CATSPER4: variants seen among roughly 807,000 people sequenced by gnomAD.
CATSPER4 encodes cation channel sperm associated 4.
CATSPER4 carries 46 observed loss-of-function variants against 54.4 expected under a neutral mutation model. That is an observed-to-expected ratio of 0.84 (90% CI 0.67 to 1.08). The LOEUF is 1.08. Ranked by LOEUF, CATSPER4 falls within the 50% of genes least tolerant of loss-of-function variation. The pLI, the probability that CATSPER4 is intolerant of heterozygous loss-of-function variation, is 0.00. For missense variants in CATSPER4, 574 were observed against 612.8 expected, an observed-to-expected ratio of 0.94 and a Z score of 0.67; for synonymous variants, 230 against 231.9, an observed-to-expected ratio of 0.99 and a Z score of 0.08.
At chr1:26,201,651 C>A in intron 9 of CATSPER4, 132 bp downstream of exon 9, 1 of 788,632 alleles carries the variant, frequency 1.3e-6, no homozygotes, top group Non-Finnish European at 2.1e-6. Flanking sequence ...CACCACCACC[C>A]CTCCTTTTTT....
At chr1:26,198,717 G>A (rs2088972472) in intron 6 of CATSPER4, among the ~76,000 whole-genome samples, 1 of 152,166 alleles carries the variant, frequency 6.6e-6, no homozygotes, top group South Asian at 2.1e-4. Flanking sequence ...CTGCAGTTAT[G>A]CCTCAGGTTA....
chr1:26,201,120 C>G (rs929400422), intron 8 of CATSPER4, 79 bp downstream of exon 8: 1 of 1,242,676 alleles, frequency 8.0e-7, no homozygotes, highest in Non-Finnish European at 1.2e-6. Context: ...TGGCCTCACG[C>G]CCTCACCATT....
At position 26,201,198 on chromosome 1, in the gene CATSPER4, C is replaced by T. The variant is rs889193226; in HGVS notation, c.1200-156C>T. The stretch of plus-strand genomic sequence containing the variant: ...TGGTGGAGGAACTGGAATCCAGACT[C>T]CAGGTTCCTTCCATCTCACACAAGG... On this transcript the variant is annotated intron_variant, in intron 8 of 9. Coordinates refer to ENST00000456354, the MANE Select transcript of CATSPER4 (RefSeq NM_198137.2). The T allele has an allele frequency of 2.6e-5, 25 of 959,810 alleles. 1 individual carries two copies. The highest frequency in any genetic ancestry group is 1.9e-4 in the Admixed American group (9 of 48,174). The allele number at this position is 959,810 out of a possible 1,614,324, so 59.5% of individuals were successfully genotyped here.
chr1:26,196,455 A>C (rs2088940675), intron 3 of CATSPER4, among the ~76,000 whole-genome samples: 2 of 119,906 alleles, frequency 1.7e-5, no homozygotes, highest in Middle Eastern at 7.7e-3. Context: ...CCTGTTGCTC[A>C]GGCTGGAGTG....
rs114809277 is a variant in CATSPER4, at chr1:26,201,167, C to G, written c.1199+126C>G. The stretch of plus-strand genomic sequence containing the variant: ...GCCTGGGCCCCACAGAGGTCCCCCA[C>G]CCTATTGGTGGAGGAACTGGAATCC... On this transcript the variant is annotated intron_variant, in intron 8 of 9. Transcript: ENST00000456354. 3,717 of 979,380 alleles carry G rather than the reference C, an allele frequency of 3.8e-3. 16 individuals carry two copies. The highest frequency in any genetic ancestry group is 5.2e-3 in the Non-Finnish European group (3,226 of 622,610). 60.7% of individuals were successfully genotyped at this position (979,380 alleles called of 1,614,324 possible).
intron 6 of CATSPER4, 39 bp downstream of exon 6, chr1:26,198,458 G>T (rs1178245196): frequency 3.7e-6 from 6 of 1,613,114 alleles, no homozygotes; most frequent in Non-Finnish European, 4.2e-6. Context: ...TCCCACCTAT[G>T]GGGCAGGGTA....
intron 3 of CATSPER4, among the ~76,000 whole-genome samples, chr1:26,195,075 TTC>T (rs2088922106): frequency 6.6e-6 from 1 of 151,936 alleles, no homozygotes. Context: ...CAGAGAGAGA[TTC>T]TGTTTCAAAA....
At chr1:26,201,160 T>A (rs920740666) in intron 8 of CATSPER4, 119 bp downstream of exon 8, 2 of 991,582 alleles carry the variant, frequency 2.0e-6, no homozygotes, top group Admixed American at 3.9e-5. Flanking sequence ...CCCACAGAGG[T>A]CCCCCACCCT....
At position 26,198,258 on chromosome 1, in the gene CATSPER4, C is replaced by T. The variant is rs77194452; in HGVS notation, c.679-28C>T. On this transcript the variant is annotated intron_variant, in intron 5 of 9. Coordinates refer to ENST00000456354, the MANE Select transcript of CATSPER4 (RefSeq NM_198137.2). ...CTATTTCCAGGCCCTTTGGTGAAGT[C>T]GGGGTGGGGCTCTTTTCTCTCTGAC... 2,721 of 1,614,068 alleles carry T rather than the reference C, an allele frequency of 1.7e-3. 27 individuals are homozygous for T. In the African/African-American group the frequency reaches 0.022, roughly 13 times the overall value.
In CATSPER4 at chr1:26,197,699, T is replaced by G; in HGVS notation, c.473T>G (p.Ile158Ser). The G allele has an allele frequency of 8.1e-6, 13 of 1,613,082 alleles. No individual in the cohort carries two copies. Among genetic ancestry groups the G allele is most frequent in the Non-Finnish European group, 1.1e-5 (13 of 1,179,872 alleles). Residue 158 changes from isoleucine to serine, a missense_variant, in exon 4 of 10, where the codon ATC becomes AGC. Coordinates refer to ENST00000456354, the MANE Select transcript of CATSPER4 (RefSeq NM_198137.2). ...CCCACTCCCCAGGACGGCTGGAACA[T>G]CCTCAACTTCATTATCGTCTTTATC... ...FWIFWKDGWN[I>S]LNFIIVFILL...
At position 26,197,991 on chromosome 1, in the gene CATSPER4, G is replaced by C; in HGVS notation, c.592G>C (p.Glu198Gln). ...LRLVHVCMAV[E>Q]PLARIIRVIL... The stretch of plus-strand genomic sequence containing the variant: ...TCTGGTGCATGTGTGCATGGCGGTG[G>C]AGCCCCTCGCCCGGATCATCCGCGT... The change falls in exon 5 of 10, where the codon GAG (glutamate) becomes CAG (glutamine). Residue 198 changes from glutamate (E) to glutamine (Q), a missense_variant. Physicochemically the swap from Glu to Gln is conservative, Grantham distance 29. Transcript: ENST00000456354. The C allele has an allele frequency of 6.2e-7, 1 of 1,613,834 alleles. No individual in the cohort carries two copies. The highest frequency in any genetic ancestry group is 1.3e-5 in the African/African-American group (1 of 75,034).
chr1:26,195,080 T>C (rs2088922153), intron 3 of CATSPER4, among the ~76,000 whole-genome samples: 1 of 152,124 alleles, frequency 6.6e-6, no homozygotes, highest in South Asian at 2.1e-4. Flanking sequence ...AGAGATTCTG[T>C]TTCAAAAAAA....
chr1:26,201,689 C>CTTT, intron 9 of CATSPER4, 170 bp downstream of exon 9: 11 of 508,510 alleles, frequency 2.2e-5, no homozygotes, highest in South Asian at 1.4e-4. Context: ...TTCTTTCTTT[C>CTTT]CTTTTTTTTT....
rs2089006492 is a variant in CATSPER4, at chr1:26,201,418, C to A, written c.1264C>A (p.Arg422Ser). 9 of 1,614,060 alleles carry A rather than the reference C, an allele frequency of 5.6e-6. No individual in the cohort carries two copies. Among genetic ancestry groups the A allele is most frequent in the Non-Finnish European group, 6.8e-6 (8 of 1,179,950 alleles). The change falls in exon 9 of 10, where the codon CGC (arginine) becomes AGC (serine). Residue 422 changes from arginine to serine, a missense_variant. Transcript: ENST00000456354. ...QEQESEVLNR[R>S]SSTSGSLETT... is the part of the protein sequence containing the mutation. Reference sequence around the variant, plus strand: ...GCAGGAGTCAGAGGTGTTGAACAGGCGCTCGTCGACGAGCGGGTCGTTGGA... The same window carrying A: ...GCAGGAGTCAGAGGTGTTGAACAGGAGCTCGTCGACGAGCGGGTCGTTGGA...
At position 26,197,790 on chromosome 1, in the gene CATSPER4, G is replaced by A. The variant is rs774575516; in HGVS notation, c.557+7G>A. The A allele has an allele frequency of 4.1e-5, 66 of 1,611,080 alleles. No homozygotes were observed. The highest frequency in any genetic ancestry group is 5.4e-5 in the Non-Finnish European group (63 of 1,177,422). On this transcript the variant is annotated splice_region_variant and intron_variant, in intron 4 of 9. Coordinates refer to ENST00000456354, the MANE Select transcript of CATSPER4 (RefSeq NM_198137.2). Reference sequence around the variant, plus strand: ...CCATCAACTACACTCTCAGGTGAGCGGGGAGCTCTGGAGAAATGAGGGGGA... The same window carrying A: ...CCATCAACTACACTCTCAGGTGAGCAGGGAGCTCTGGAGAAATGAGGGGGA...
intron 7 of CATSPER4, 41 bp downstream of exon 7, chr1:26,200,099 T>A: frequency 1.9e-6 from 3 of 1,594,102 alleles, no homozygotes; most frequent in Non-Finnish European, 2.6e-6. Flanking sequence ...AAAAGGAGTG[T>A]GTATGAGAGC....
In CATSPER4 at chr1:26,193,834, CCTT is replaced by C; in HGVS notation, c.409_411del (p.Leu137del). 6.2e-7 allele frequency: 1 copy of C among 1,614,154 alleles called. No individual in the cohort carries two copies. The highest frequency in any genetic ancestry group is 1.1e-5 in the South Asian group (1 of 91,084). ...CCATAGATGACATTGTGCTGACCAT[CCTT>C]CTTTGTGAGGTTCTCCTTGGCTGGC... On this transcript the variant is annotated inframe_deletion, in exon 3 of 10. Coordinates refer to ENST00000456354, the MANE Select transcript of CATSPER4 (RefSeq NM_198137.2).
At position 26,202,787 on chromosome 1, in the gene CATSPER4, G is replaced by GT; in HGVS notation, c.*245_*246insT. Reference sequence around the variant, plus strand: ...GTGGGAACCCTAGCAGCAAGGATGAGCACAGAAGGGGGTGCTGGCCAACGC... The same window carrying GT: ...GTGGGAACCCTAGCAGCAAGGATGAGTCACAGAAGGGGGTGCTGGCCAACGC... On this transcript the variant is annotated 3_prime_UTR_variant, in exon 10 of 10. Coordinates refer to ENST00000456354, the MANE Select transcript of CATSPER4 (RefSeq NM_198137.2). 1.7e-6 allele frequency: 1 copy of GT among 574,374 alleles called. No homozygotes were observed. Among genetic ancestry groups the GT allele is most frequent in the Non-Finnish European group, 3.1e-6 (1 of 320,550 alleles). 35.6% of individuals were successfully genotyped at this position (574,374 alleles called of 1,614,324 possible).
intron 9 of CATSPER4, 34 bp downstream of exon 9, chr1:26,201,553 G>A (rs376179862): frequency 4.5e-5 from 72 of 1,610,534 alleles, no homozygotes; most frequent in Non-Finnish European, 5.8e-5. Flanking sequence ...ATGGGTACTC[G>A]CCCTGACACT....
Sources: allele counts gnomAD v4.1 joint callset (sites outside exome capture counted in the v4.1 genomes callset), GRCh38; gene constraint gnomAD v4.1.1; transcripts MANE v1.5; gene names NCBI Gene and HGNC (gene_info 2026-07-23, HGNC 2026-07-21).